Variants in TBC1D14 observed in about 807,000 individuals in gnomAD.
TBC1D14 encodes the protein TBC1 domain family member 14.
A neutral mutation model predicts 79.0 loss-of-function variants in TBC1D14; 26 were observed. The ratio of observed to expected loss-of-function variants is 0.33; its 90% CI spans 0.24 to 0.46. TBC1D14 has a LOEUF of 0.46. Among genes scored for constraint, TBC1D14 ranks in the 20% least tolerant of loss-of-function variants. The pLI, the probability that TBC1D14 is intolerant of heterozygous loss-of-function variation, is 1.00. For missense variants in TBC1D14, 769 were observed against 887.6 expected (o/e 0.87, Z 1.70); for synonymous variants, 394 against 349.9 (o/e 1.13, Z -1.40).
At chr4:7,002,879 G>A (rs1265815473) in intron 7 of TBC1D14, among the ~76,000 whole-genome samples, 2 of 152,090 alleles carry the variant, frequency 1.3e-5, no homozygotes, top group South Asian at 2.1e-4. Context: ...TTGACAGTGC[G>A]ACCTTGACCT....
At chr4:6,939,964 C>A (rs1712745960) in intron 2 of TBC1D14, among the ~76,000 whole-genome samples, 3 of 152,226 alleles carry the variant, frequency 2.0e-5, no homozygotes, top group Admixed American at 1.3e-4. Flanking sequence ...CTACACCAGG[C>A]TCCTTGAGAA....
intron 3 of TBC1D14, among the ~76,000 whole-genome samples, chr4:6,968,148 C>T (rs749121018): frequency 2.6e-5 from 4 of 152,148 alleles, no homozygotes; most frequent in Non-Finnish European, 5.9e-5. Flanking sequence ...CACCCTCGCT[C>T]CTCCAGCTTC....
In TBC1D14 at chr4:6,923,668, C is replaced by T. The variant is rs777084442; in HGVS notation, c.279C>T (p.Ser93=). 26 of 1,613,720 alleles carry T rather than the reference C, an allele frequency of 1.6e-5. No individual in the cohort carries two copies. The highest frequency in any genetic ancestry group is 1.3e-4 in the South Asian group (12 of 91,088). The change falls in exon 2 of 14, where the codon TCC becomes TCT. Residue 93 remains serine (S), a synonymous_variant. Transcript: ENST00000409757. The part of the protein sequence containing the change: ...AVHVRRKQSD[S]DLIPERAFQS... ...ACGTGAGGAGGAAGCAGTCCGACTC[C>T]GACCTCATCCCCGAGCGGGCCTTCC... is the stretch of plus-strand genomic sequence containing the variant.
chr4:7,024,308 C>T (rs1245604884), intron 12 of TBC1D14, among the ~76,000 whole-genome samples: 5 of 152,204 alleles, frequency 3.3e-5, no homozygotes, highest in African/African-American at 1.2e-4. Context: ...TCTGTGCCAG[C>T]ACAGGAAATA....
chr4:6,967,392 A>G lies in TBC1D14; in HGVS notation c.811A>G (p.Asn271Asp), dbSNP rs1050575095. The G allele has an allele frequency of 6.2e-7, 1 of 1,614,088 alleles. No individual in the cohort carries two copies. The highest frequency in any genetic ancestry group is 1.3e-5 in the African/African-American group (1 of 75,048). Reference protein sequence around the residue: ...KLFGKAPLRENAQKDSKRIQK... With the variant: ...KLFGKAPLREDAQKDSKRIQK... ...ATTTGGGAAAGCGCCACTCCGAGAG[A>G]ATGCCCAGAAGGATTCAAAGAGAAT... The change falls in exon 3 of 14, where the codon AAT becomes GAT. Residue 271 changes from asparagine to aspartate, a missense_variant. Physicochemically the swap from Asn to Asp is conservative, Grantham distance 23 (BLOSUM62 1). Transcript: ENST00000409757.
At chr4:6,990,909 G>C (rs1367202700) in intron 3 of TBC1D14, among the ~76,000 whole-genome samples, 1 of 152,070 alleles carries the variant, frequency 6.6e-6, no homozygotes, top group Non-Finnish European at 1.5e-5. Flanking sequence ...CTCCAGTGCT[G>C]TTTCTTCCCT....
intron 2 of TBC1D14, among the ~76,000 whole-genome samples, chr4:6,926,047 C>T (rs1274040038): frequency 2.0e-5 from 3 of 152,224 alleles, no homozygotes; most frequent in Non-Finnish European, 1.5e-5. Context: ...TGCCCTTGAA[C>T]AAGTTCCTTC....
intron 2 of TBC1D14, among the ~76,000 whole-genome samples, chr4:6,947,101 C>G (rs537146626): frequency 1.3e-5 from 2 of 152,226 alleles, no homozygotes; most frequent in Non-Finnish European, 2.9e-5. Context: ...TGGCTCACGC[C>G]TGTAATCCCA....
chr4:6,953,486 C>T (rs1309206811), intron 2 of TBC1D14, among the ~76,000 whole-genome samples: 2 of 139,950 alleles, frequency 1.4e-5, no homozygotes, highest in East Asian at 2.2e-4. Context: ...AAAAAATTAG[C>T]CGGGCGAGGT....
chr4:7,004,864 G>T lies in TBC1D14; in HGVS notation c.1291G>T (p.Ala431Ser), dbSNP rs1720017832. Reference sequence around the variant, plus strand: ...TCCAGAGCTCTTTGACATCTGTCTTGCCCGAGCCAAGGAGAGGTGGCGGTC... The same window carrying T: ...TCCAGAGCTCTTTGACATCTGTCTTTCCCGAGCCAAGGAGAGGTGGCGGTC... ...ITHELFDICL[A>S]RAKERWRSLS... is the part of the protein sequence containing the mutation. Residue 431 changes from alanine to serine, a missense_variant, in exon 8 of 14, where the codon GCC becomes TCC. By Grantham distance (99) the Ala-to-Ser change is moderately conservative. Around this residue, in one of 2 missense-constraint regions of TBC1D14, gnomAD observed 367 missense variants for 494.4 expected, o/e 0.74. Transcript: ENST00000409757. 6.2e-7 allele frequency: 1 copy of T among 1,613,990 alleles called. No individual in the cohort carries two copies. Among genetic ancestry groups the T allele is most frequent in the Admixed American group, 1.7e-5 (1 of 60,000 alleles).
chr4:6,994,528 A>T (rs901158832), intron 4 of TBC1D14, among the ~76,000 whole-genome samples: 4 of 152,154 alleles, frequency 2.6e-5, no homozygotes, highest in Non-Finnish European at 5.9e-5. Flanking sequence ...CCGTTCAGGT[A>T]ATTTTTCTTT....
chr4:7,003,958 A>G lies in TBC1D14; in HGVS notation c.1271-886A>G, dbSNP rs140575338. ...GAGGCAGAGGTTACAGTCAGCCAAG[A>G]TTGCGCCACTGCACTCTCCAGCCTG... On this transcript the variant is annotated intron_variant, in intron 7 of 13. Transcript: ENST00000409757. Among the ~76,000 whole-genome samples, 195 of 152,224 alleles carry G rather than the reference A, an allele frequency of 1.3e-3. 1 individual carries two copies. Among genetic ancestry groups the G allele is most frequent in the African/African-American group, 4.5e-3 (187 of 41,536 alleles).
chr4:6,953,457 T>TAAAAA (rs768801114), intron 2 of TBC1D14, among the ~76,000 whole-genome samples: 3 of 114,100 alleles, frequency 2.6e-5, no homozygotes, highest in South Asian at 6.3e-4. Context: ...CCGTCTCTAC[T>TAAAAA]AAAAAAAAAA....
intron 5 of TBC1D14, among the ~76,000 whole-genome samples, chr4:6,998,428 A>G (rs1719296592): frequency 6.6e-6 from 1 of 151,668 alleles, no homozygotes; most frequent in South Asian, 2.1e-4. Flanking sequence ...GGAAGGGGAT[A>G]GGGCTGGGAG....
At chr4:6,946,435 C>T (rs1358052061) in intron 2 of TBC1D14, among the ~76,000 whole-genome samples, 3 of 151,938 alleles carry the variant, frequency 2.0e-5, no homozygotes, top group Admixed American at 6.6e-5. Context: ...CGGGTTCAAG[C>T]GATTCTCCTG....
intron 3 of TBC1D14, among the ~76,000 whole-genome samples, chr4:6,990,419 A>G (rs766015060): frequency 2.6e-5 from 4 of 152,248 alleles, no homozygotes; most frequent in Admixed American, 1.3e-4. Flanking sequence ...ACTGCACTTC[A>G]GCCTGGGTGA....
intron 2 of TBC1D14, among the ~76,000 whole-genome samples, chr4:6,925,104 C>T (rs973645287): frequency 2.0e-5 from 3 of 152,072 alleles, no homozygotes; most frequent in African/African-American, 4.8e-5. Flanking sequence ...ACCAGTCTGG[C>T]CAACATGGCA....
intron 9 of TBC1D14, among the ~76,000 whole-genome samples, chr4:7,009,226 A>G (rs1033340378): frequency 2.2e-4 from 33 of 152,216 alleles, no homozygotes; most frequent in African/African-American, 6.8e-4. Context: ...ATCTTCTCAC[A>G]TGCTAACTTC....
intron 1 of TBC1D14, among the ~76,000 whole-genome samples, chr4:6,918,637 G>A (rs1162332497): frequency 6.6e-6 from 1 of 152,232 alleles, no homozygotes; most frequent in Non-Finnish European, 1.5e-5. Flanking sequence ...TACTTGGCAA[G>A]TGGCAGAGCC....
Sources: allele counts gnomAD v4.1 joint callset (sites outside exome capture counted in the v4.1 genomes callset), GRCh38; gene constraint gnomAD v4.1.1; regional missense constraint gnomAD v4.1.1; transcripts MANE v1.5; gene names NCBI Gene and HGNC (gene_info 2026-07-23, HGNC 2026-07-21).